Variants in ST6GAL1 observed in about 807,000 individuals in gnomAD.
ST6GAL1 encodes beta-galactoside alpha-2,6-sialyltransferase 1.
A neutral mutation model predicts 38.0 loss-of-function variants in ST6GAL1; 20 were observed. That is an observed-to-expected ratio of 0.53 (90% CI 0.37 to 0.77). ST6GAL1 has a LOEUF of 0.77. Among genes scored for constraint, ST6GAL1 ranks in the 30% least tolerant of loss-of-function variants. The pLI is 0.00. For missense variants in ST6GAL1, 432 were observed against 496.4 expected (o/e 0.87, Z 1.23); for synonymous variants, 196 against 188.2 (o/e 1.04, Z -0.34).
intron 5 of ST6GAL1, among the ~76,000 whole-genome samples, chr3:187,066,184 T>G (rs1719116831): frequency 1.3e-5 from 2 of 152,312 alleles, no homozygotes; most frequent in Non-Finnish European, 1.5e-5. Context: ...ATTAATATCA[T>G]AATTGGAGCT....
intron 2 of ST6GAL1, among the ~76,000 whole-genome samples, chr3:186,992,132 G>C (rs2108546203): frequency 6.6e-6 from 1 of 152,208 alleles, no homozygotes; most frequent in East Asian, 1.9e-4. Flanking sequence ...ATATGGTTTG[G>C]CTGTGTCCCA....
chr3:187,044,459 C>T (rs565081077), intron 4 of ST6GAL1, among the ~76,000 whole-genome samples: 6 of 152,324 alleles, frequency 3.9e-5, no homozygotes, highest in Non-Finnish European at 5.9e-5. Context: ...GGTGAGATCA[C>T]AGTTTCTACC....
At chr3:186,941,980 C>G (rs542644792) in intron 1 of ST6GAL1, among the ~76,000 whole-genome samples, 1 of 151,852 alleles carries the variant, frequency 6.6e-6, no homozygotes, top group African/African-American at 2.4e-5. Context: ...CCACTGCACT[C>G]CATCCTAGGC....
chr3:186,970,989 C>T (rs6795811), intron 2 of ST6GAL1, among the ~76,000 whole-genome samples: 3,261 of 152,312 alleles, frequency 0.021, 120 homozygotes, highest in African/African-American at 0.074. Flanking sequence ...CAAACCATTT[C>T]CTAGAGGGGC....
intron 2 of ST6GAL1, among the ~76,000 whole-genome samples, chr3:186,970,938 G>C (rs1715327151): frequency 6.6e-6 from 1 of 152,186 alleles, no homozygotes. Context: ...CAATTGCTAA[G>C]TTGCATGGTG....
At chr3:187,001,474 T>C (rs912056591) in intron 2 of ST6GAL1, among the ~76,000 whole-genome samples, 1 of 152,214 alleles carries the variant, frequency 6.6e-6, no homozygotes, top group Non-Finnish European at 1.5e-5. Context: ...GTTGTAAACC[T>C]GGGTTTGGAT....
chr3:186,957,492 G>A (rs1714785858), intron 1 of ST6GAL1, among the ~76,000 whole-genome samples: 1 of 151,886 alleles, frequency 6.6e-6, no homozygotes, highest in Non-Finnish European at 1.5e-5. Context: ...ATTCTAAGAA[G>A]CCCAACATCA....
intron 2 of ST6GAL1, among the ~76,000 whole-genome samples, chr3:186,967,045 A>AG (rs1715155593): frequency 6.6e-6 from 1 of 152,218 alleles, no homozygotes; most frequent in African/African-American, 2.4e-5. Context: ...AGGAGCTTCC[A>AG]TACTTCAAGG....
At chr3:186,980,494 T>G (rs1423775119) in intron 2 of ST6GAL1, among the ~76,000 whole-genome samples, 1 of 151,002 alleles carries the variant, frequency 6.6e-6, no homozygotes, top group Non-Finnish European at 1.5e-5. Context: ...GCGCGGTGGC[T>G]CACGCCTGTA....
intron 5 of ST6GAL1, among the ~76,000 whole-genome samples, chr3:187,066,218 A>T (rs548930808): frequency 6.6e-6 from 1 of 152,212 alleles, no homozygotes; most frequent in Admixed American, 6.5e-5. Context: ...GATGGCAATC[A>T]TGAGTTCTGG....
intron 5 of ST6GAL1, among the ~76,000 whole-genome samples, chr3:187,066,853 C>T (rs1412713086): frequency 6.6e-6 from 1 of 152,070 alleles, no homozygotes; most frequent in African/African-American, 2.4e-5. Flanking sequence ...TCACACTCCC[C>T]CTGCAGGTAA....
chr3:186,959,223 G>C (rs1316122448), intron 1 of ST6GAL1, among the ~76,000 whole-genome samples: 2 of 152,098 alleles, frequency 1.3e-5, no homozygotes, highest in African/African-American at 2.4e-5. Flanking sequence ...CTTTTTGTCA[G>C]AGCTCACCCA....
At chr3:186,981,035 T>C (rs1715681911) in intron 2 of ST6GAL1, among the ~76,000 whole-genome samples, 1 of 152,152 alleles carries the variant, frequency 6.6e-6, no homozygotes, top group African/African-American at 2.4e-5. Context: ...GGTGTGTTAA[T>C]ATTCTAGAAG....
chr3:187,054,185 TGAG>T (rs1415539308), intron 5 of ST6GAL1, among the ~76,000 whole-genome samples: 2 of 152,204 alleles, frequency 1.3e-5, no homozygotes, highest in African/African-American at 4.8e-5. Flanking sequence ...CTTATCAGCT[TGAG>T]GAGATTTTGA....
chr3:186,972,755 C>A (rs368061715), intron 2 of ST6GAL1, among the ~76,000 whole-genome samples: 11 of 152,176 alleles, frequency 7.2e-5, no homozygotes, highest in African/African-American at 2.4e-4. Flanking sequence ...AAGGCACATA[C>A]TCCCTGTTTG....
chr3:186,994,785 A>G (rs1716307129), intron 2 of ST6GAL1, among the ~76,000 whole-genome samples: 1 of 152,134 alleles, frequency 6.6e-6, no homozygotes, highest in South Asian at 2.1e-4. Context: ...TTCTACTAAA[A>G]ACACAAAATT....
intron 2 of ST6GAL1, among the ~76,000 whole-genome samples, chr3:186,984,244 G>C (rs370295036): frequency 1.6e-3 from 237 of 152,294 alleles, no homozygotes; most frequent in African/African-American, 5.6e-3. Context: ...TCTAAGCCAT[G>C]AGCATCGCTC....
At chr3:187,013,725 C>T (rs528102545) in intron 2 of ST6GAL1, among the ~76,000 whole-genome samples, 260 of 152,278 alleles carry the variant, frequency 1.7e-3, no homozygotes, top group African/African-American at 6.1e-3. Context: ...GCTGGGATTA[C>T]AGATGTGCGC....
At chr3:187,039,371 C>T (rs1718049842) in intron 3 of ST6GAL1, among the ~76,000 whole-genome samples, 1 of 152,206 alleles carries the variant, frequency 6.6e-6, no homozygotes, top group African/African-American at 2.4e-5. Context: ...CTGGTCCAGG[C>T]ACTGTGCTGG....
Sources: gnomAD v4.1 joint callset for allele counts (sites outside exome capture counted in the v4.1 genomes callset) on GRCh38, gnomAD v4.1.1 for gene constraint, MANE v1.5 for transcripts, NCBI Gene and HGNC (gene_info 2026-07-23, HGNC 2026-07-21) for gene names.